Variants in LRRC28 observed in about 807,000 individuals in gnomAD.
LRRC28 encodes the protein leucine rich repeat containing 28, also known as leucine-rich repeat-containing protein 28.
In LRRC28, 39 loss-of-function variants were observed where a neutral mutation model predicts 45.7. The observed-to-expected ratio is 0.85, with a 90% CI of 0.66 to 1.12. LRRC28 has a LOEUF of 1.12. Among genes scored for constraint, LRRC28 ranks in the 50% most tolerant of loss-of-function variants. LRRC28 has a pLI of 0.00. For synonymous variants in LRRC28, 206 were observed against 178.8 expected (o/e 1.15, Z -1.22); for missense variants, 435 against 438.5 (o/e 0.99, Z 0.07).
intron 3 of LRRC28, among the ~76,000 whole-genome samples, chr15:99,277,571 G>A (rs1597212372): frequency 1.3e-5 from 2 of 151,996 alleles, no homozygotes; most frequent in East Asian, 3.8e-4. Context: ...TTTAAATTAT[G>A]CAAGTTTTCA....
intron 9 of LRRC28, among the ~76,000 whole-genome samples, chr15:99,369,631 G>T (rs1957427967): frequency 6.6e-6 from 1 of 152,054 alleles, no homozygotes; most frequent in African/African-American, 2.4e-5. Flanking sequence ...CACTATGGAG[G>T]GTAATCTGCT....
chr15:99,256,141 A>G lies in LRRC28; in HGVS notation c.168+16A>G. ...GACATCCTTGGTACAGTATTATATT[A>G]CACTACTGAAAAATTATTTATACAT... On this transcript the variant is annotated intron_variant, in intron 2 of 9. Transcript: ENST00000301981. The G allele has an allele frequency of 6.3e-7, 1 of 1,578,084 alleles. No individual in the cohort carries two copies. The highest frequency in any genetic ancestry group is 8.6e-7 in the Non-Finnish European group (1 of 1,165,080).
chr15:99,361,406 C>T lies in LRRC28; in HGVS notation c.766C>T (p.Leu256Phe). ...TTCATCAGGGCAGCGAACCGTTTTC[C>T]TCCCAGCTGAGGTGAAGGCCATAGG... is the stretch of plus-strand genomic sequence containing the variant. ...SFSSGQRTVF[L>F]PAEVKAIGTE... Residue 256 changes from leucine (L) to phenylalanine (F), a missense_variant, in exon 8 of 10, where the codon CTC becomes TTC. Coordinates refer to ENST00000301981, the MANE Select transcript of LRRC28 (RefSeq NM_144598.5). 6.2e-7 allele frequency: 1 copy of T among 1,613,942 alleles called. No individual in the cohort carries two copies. The highest frequency in any genetic ancestry group is 1.1e-5 in the South Asian group (1 of 91,064).
intron 2 of LRRC28, among the ~76,000 whole-genome samples, chr15:99,256,686 A>G (rs906212120): frequency 6.6e-6 from 1 of 152,236 alleles, no homozygotes; most frequent in Non-Finnish European, 1.5e-5. Flanking sequence ...AATTTTTTGG[A>G]AAAAATTTTG....
intron 9 of LRRC28, among the ~76,000 whole-genome samples, chr15:99,378,437 G>C (rs914117723): frequency 2.0e-5 from 3 of 152,132 alleles, no homozygotes; most frequent in African/African-American, 7.2e-5. Flanking sequence ...AGGAGATTTT[G>C]GGCTGAGACG....
intron 5 of LRRC28, among the ~76,000 whole-genome samples, chr15:99,302,728 T>A (rs183603958): frequency 6.6e-6 from 1 of 152,370 alleles, no homozygotes; most frequent in Non-Finnish European, 1.5e-5. Flanking sequence ...TGCTAGCCTT[T>A]GTTCTCACCC....
intron 9 of LRRC28, among the ~76,000 whole-genome samples, chr15:99,368,229 G>A (rs1957392615): frequency 6.6e-6 from 1 of 152,032 alleles, no homozygotes; most frequent in Non-Finnish European, 1.5e-5. Context: ...ATCAGGTATG[G>A]GTCAGGACAT....
intron 9 of LRRC28, among the ~76,000 whole-genome samples, chr15:99,376,194 C>T (rs1453283515): frequency 6.6e-6 from 1 of 151,870 alleles, no homozygotes; most frequent in Non-Finnish European, 1.5e-5. Context: ...GTTTTAAGTT[C>T]CTTTGAGATT....
chr15:99,357,975 A>G (rs949358688), intron 7 of LRRC28, among the ~76,000 whole-genome samples: 31 of 152,154 alleles, frequency 2.0e-4, no homozygotes, highest in Non-Finnish European at 3.7e-4. Context: ...ATGGAAAAAA[A>G]GGAAATAGAC....
chr15:99,273,298 G>A (rs1416169762), intron 2 of LRRC28, among the ~76,000 whole-genome samples: 4 of 151,584 alleles, frequency 2.6e-5, no homozygotes, highest in South Asian at 2.1e-4. Context: ...GTGCAGTGGC[G>A]CGATCTTGGC....
In LRRC28 at chr15:99,369,162, G is replaced by C. The variant is rs143401478; in HGVS notation, c.1031+5897G>C. 4.5e-3 allele frequency among the ~76,000 whole-genome samples: 678 copies of C among 152,238 alleles called. 5 individuals are homozygous for C. Among genetic ancestry groups the C allele is most frequent in the African/African-American group, 0.015 (629 of 41,540 alleles). On this transcript the variant is annotated intron_variant, in intron 9 of 9. Transcript: ENST00000301981. ...CTAGCAACATTCTGTTCCTGACAAT[G>C]TATTTTCTAAGACATTAGAAACTTT...
intron 5 of LRRC28, among the ~76,000 whole-genome samples, chr15:99,318,939 G>C (rs1386946883): frequency 6.6e-6 from 1 of 152,000 alleles, no homozygotes; most frequent in African/African-American, 2.4e-5. Context: ...AAAGAAACTG[G>C]AGTGAATCAG....
intron 9 of LRRC28, among the ~76,000 whole-genome samples, chr15:99,366,690 A>G (rs553942328): frequency 1.3e-5 from 2 of 152,138 alleles, no homozygotes; most frequent in Middle Eastern, 3.4e-3. Flanking sequence ...ATTTAAACCA[A>G]TTATCTCCCA....
Position 99,287,944 on chromosome 15 carries a change from A to G in LRRC28, c.378A>G (p.Leu126=). ...LRLANNQLQF[L]PPEVGDLKEL... ...TAGCTAATAACCAACTGCAATTCCTACCTCCAGGTAATCATAGTCTCTAGC... is the reference window on the plus strand; with the variant it reads ...TAGCTAATAACCAACTGCAATTCCTGCCTCCAGGTAATCATAGTCTCTAGC... Residue 126 remains leucine (L), a synonymous_variant, in exon 5 of 10, where the codon CTA becomes CTG. Coordinates refer to ENST00000301981, the MANE Select transcript of LRRC28 (RefSeq NM_144598.5). 1 of 1,612,918 alleles carries G rather than the reference A, an allele frequency of 6.2e-7. No individual in the cohort carries two copies.
At chr15:99,361,119 T>G in intron 7 of LRRC28, 1 of 449,088 alleles carries the variant, frequency 2.2e-6, no homozygotes, top group South Asian at 4.7e-5. Flanking sequence ...TGACTGGGCC[T>G]CAGCAATGAT....
At chr15:99,376,952 C>G (rs1318524794) in intron 9 of LRRC28, among the ~76,000 whole-genome samples, 1 of 152,144 alleles carries the variant, frequency 6.6e-6, no homozygotes, top group East Asian at 1.9e-4. Context: ...CATTGATGGA[C>G]ATTTGGGTTG....
intron 1 of LRRC28, among the ~76,000 whole-genome samples, chr15:99,254,778 A>G (rs2080966562): frequency 6.6e-6 from 1 of 152,210 alleles, no homozygotes; most frequent in Admixed American, 6.5e-5. Context: ...TGCCTAGTGG[A>G]TAAAACGGCA....
At chr15:99,306,163 T>C (rs1241142537) in intron 5 of LRRC28, among the ~76,000 whole-genome samples, 1 of 152,240 alleles carries the variant, frequency 6.6e-6, no homozygotes, top group Non-Finnish European at 1.5e-5. Flanking sequence ...TGCAGGCTAA[T>C]GATGCCGAGG....
intron 7 of LRRC28, among the ~76,000 whole-genome samples, chr15:99,353,125 A>AC (rs1372060659): frequency 1.3e-5 from 2 of 152,064 alleles, no homozygotes; most frequent in Non-Finnish European, 2.9e-5. Context: ...GCACAGAACC[A>AC]CCCTAAAGTG....
Sources: gnomAD v4.1 joint callset for allele counts (sites outside exome capture counted in the v4.1 genomes callset) on GRCh38, gnomAD v4.1.1 for gene constraint, MANE v1.5 for transcripts, NCBI Gene and HGNC (gene_info 2026-07-23, HGNC 2026-07-21) for gene names.